The following FGD5 variants were observed in gnomAD, a reference collection of about 807,000 sequenced individuals.
The protein encoded by FGD5 is FYVE, RhoGEF and PH domain containing 5.
In FGD5, 28 loss-of-function variants were observed where a neutral mutation model predicts 133.4. The ratio of observed to expected loss-of-function variants is 0.21; its 90% CI spans 0.16 to 0.29. FGD5 has a LOEUF of 0.29. Ranked by LOEUF, FGD5 falls within the 10% of genes least tolerant of loss-of-function variation. The probability of loss-of-function intolerance (pLI) is 1.00; values close to 1 mark genes in which losing one functional copy is unlikely to be tolerated. For synonymous variants in FGD5, 810 were observed against 776.5 expected (o/e 1.04, Z -0.72); for missense variants, 1,858 against 1,895.2 (o/e 0.98, Z 0.36).
At chr3:14,812,001 G>GGTGTGTGTGTGTGTGTGTGTGT (rs10644004) in intron 1 of FGD5, among the ~76,000 whole-genome samples, 1 of 145,566 alleles carries the variant, frequency 6.9e-6, no homozygotes, top group African/African-American at 2.5e-5. Flanking sequence ...ATATCCTGCT[G>GGTGTGTGTGTGTGTGTGTGTGT]GTGTGTGTGT....
At chr3:14,842,004 C>CA (rs2036932467) in intron 1 of FGD5, among the ~76,000 whole-genome samples, 1 of 152,224 alleles carries the variant, frequency 6.6e-6, no homozygotes, top group African/African-American at 2.4e-5. Context: ...CTGGGGTGTG[C>CA]TTTTGTCCTG....
At chr3:14,845,560 G>T (rs976808116) in intron 1 of FGD5, among the ~76,000 whole-genome samples, 2 of 152,184 alleles carry the variant, frequency 1.3e-5, no homozygotes, top group Non-Finnish European at 2.9e-5. Context: ...CTAGGAACAG[G>T]TGATGCAGGC....
At chr3:14,918,433 G>A (rs564626593) in intron 12 of FGD5, among the ~76,000 whole-genome samples, 137 of 152,336 alleles carry the variant, frequency 9.0e-4, no homozygotes, top group African/African-American at 1.3e-3. Context: ...AGGCTCCACC[G>A]AGGAGCCTGT....
chr3:14,846,320 T>C (rs756982539), intron 1 of FGD5, among the ~76,000 whole-genome samples: 3 of 152,120 alleles, frequency 2.0e-5, no homozygotes, highest in Non-Finnish European at 2.9e-5. Flanking sequence ...ATTTTTCAGC[T>C]CATTGCCTCT....
chr3:14,908,949 TATTCATTC>T (rs559413423), intron 10 of FGD5, among the ~76,000 whole-genome samples: 2 of 141,024 alleles, frequency 1.4e-5, no homozygotes, highest in African/African-American at 2.6e-5. Flanking sequence ...TTTATTTATT[TATTCATTC>T]ATTCATTCAT....
intron 1 of FGD5, among the ~76,000 whole-genome samples, chr3:14,862,753 TAC>T (rs566940775): frequency 9.2e-5 from 14 of 152,300 alleles, no homozygotes; most frequent in Admixed American, 9.2e-4. Flanking sequence ...TTTGCCTCTG[TAC>T]ACAAGTGTGC....
chr3:14,890,747 C>T (rs920297773), intron 4 of FGD5, among the ~76,000 whole-genome samples: 9 of 152,176 alleles, frequency 5.9e-5, no homozygotes, highest in African/African-American at 1.2e-4. Flanking sequence ...TAATTACAGA[C>T]GAGAAACCAG....
rs529307518 is a variant in FGD5, at chr3:14,876,521, A to AAAAT, written c.2659-4027_2659-4024dup. 1.3e-3 allele frequency among the ~76,000 whole-genome samples: 200 copies of AAAAT among 152,240 alleles called. 1 individual carries two copies. Among genetic ancestry groups the AAAAT allele is most frequent in the South Asian group, 3.3e-3 (16 of 4,816 alleles). On this transcript the variant is annotated intron_variant, in intron 2 of 19. Coordinates refer to ENST00000285046, the MANE Select transcript of FGD5 (RefSeq NM_152536.4). ...TAATACAAGTAGCACTTTTATGCAA[A>AAAAT]AAATAAATAAATAAATAAATAAATA... is the stretch of plus-strand genomic sequence containing the variant.
intron 11 of FGD5, among the ~76,000 whole-genome samples, chr3:14,915,891 C>G (rs1206571553): frequency 1.3e-5 from 2 of 152,136 alleles, no homozygotes; most frequent in Non-Finnish European, 2.9e-5. Context: ...AGGGCTCACC[C>G]TGGTTCATGT....
intron 2 of FGD5, 59 bp from the exon 3 acceptor site, chr3:14,880,513 G>A: frequency 6.4e-7 from 1 of 1,555,232 alleles, no homozygotes. Flanking sequence ...GCAGCATGGT[G>A]GCCTCCTCTA....
At chr3:14,928,672 G>A (rs962310552) in intron 18 of FGD5, among the ~76,000 whole-genome samples, 2 of 152,266 alleles carry the variant, frequency 1.3e-5, no homozygotes, top group South Asian at 2.1e-4. Flanking sequence ...TTGAACCCGG[G>A]AGGTAGAGGT....
chr3:14,922,634 G>A lies in FGD5; in HGVS notation c.3807+86G>A, dbSNP rs2038708057. 2 of 1,494,076 alleles carry A rather than the reference G, an allele frequency of 1.3e-6. No individual in the cohort carries two copies. Among genetic ancestry groups the A allele is most frequent in the Non-Finnish European group, 8.9e-7 (1 of 1,118,274 alleles). The allele number at this position is 1,494,076 out of a possible 1,614,324, so 92.6% of individuals were successfully genotyped here. On this transcript the variant is annotated intron_variant, in intron 15 of 19. Transcript: ENST00000285046. This position sits in a 1 kb window ranked among gnomAD's most constrained non-coding sequence, Gnocchi z 4.1. ...CCTGCCCAGCCGGGGGCTCAGGGAT[G>A]TCCAGCAGCTACTGTAAGCCCCAGA...
chr3:14,856,649 ATT>A (rs11294286), intron 1 of FGD5, among the ~76,000 whole-genome samples: 7 of 148,436 alleles, frequency 4.7e-5, no homozygotes, highest in African/African-American at 1.7e-4. Context: ...TAGTATTGTG[ATT>A]TTTTTTTTGT....
At chr3:14,860,336 T>C (rs1019912175) in intron 1 of FGD5, among the ~76,000 whole-genome samples, 4 of 152,248 alleles carry the variant, frequency 2.6e-5, no homozygotes, top group Non-Finnish European at 5.9e-5. Context: ...TCTTTCACTT[T>C]CCTGAAGGCA....
rs1050070631 is a variant in FGD5 at position 14,922,352 on chromosome 3, T to C, written c.3670-59T>C. 6.5e-7 allele frequency: 1 copy of C among 1,548,526 alleles called. No individual in the cohort carries two copies. Among genetic ancestry groups the C allele is most frequent in the Admixed American group, 2.0e-5 (1 of 50,980 alleles). ...ACGCAGGGCAGGGCTCACTGGGCTC[T>C]GCATCTGGCTGGTCTCCTGGCCACA... On this transcript the variant is annotated intron_variant, in intron 14 of 19. Coordinates refer to ENST00000285046, the MANE Select transcript of FGD5 (RefSeq NM_152536.4). This position sits in a 1 kb window ranked among gnomAD's most constrained non-coding sequence, Gnocchi z 4.1.
At chr3:14,843,947 G>A (rs1363429948) in intron 1 of FGD5, among the ~76,000 whole-genome samples, 2 of 150,814 alleles carry the variant, frequency 1.3e-5, no homozygotes, top group Admixed American at 1.3e-4. Context: ...TGCTCGCCTC[G>A]GCCTCCCAAA....
intron 4 of FGD5, 111 bp from the exon 5 acceptor site, chr3:14,897,398 C>A: frequency 7.8e-7 from 1 of 1,279,628 alleles, no homozygotes; most frequent in Non-Finnish European, 1.1e-6. Flanking sequence ...CTTAAGTCCT[C>A]ACTGCTGTCT....
At chr3:14,895,007 T>C (rs1455486720) in intron 4 of FGD5, among the ~76,000 whole-genome samples, 1 of 152,250 alleles carries the variant, frequency 6.6e-6, no homozygotes, top group African/African-American at 2.4e-5. Context: ...ATGTCTTCTT[T>C]AGAGAAATAT....
In FGD5 at chr3:14,820,420, C is replaced by G. The variant is rs79223583; in HGVS notation, c.1349C>G (p.Ser450Trp). 6.2e-6 allele frequency: 10 copies of G among 1,613,838 alleles called. No homozygotes were observed. The highest frequency in any genetic ancestry group is 1.3e-5 in the African/African-American group (1 of 74,916). Reference sequence around the variant, plus strand: ...CCTGGAGAAGGAGGGCAGGCTGCATCGGACGCCCTGGGTGGTTATGGCTCG... The same window carrying G: ...CCTGGAGAAGGAGGGCAGGCTGCATGGGACGCCCTGGGTGGTTATGGCTCG... ...AAPGEGGQAA[S>W]DALGGYGSKE... Residue 450 changes from serine (S) to tryptophan (W), a missense_variant, in exon 1 of 20, where the codon TCG (serine) becomes TGG (tryptophan). Coordinates refer to ENST00000285046, the MANE Select transcript of FGD5 (RefSeq NM_152536.4).
Sources: allele counts gnomAD v4.1 joint callset (sites outside exome capture counted in the v4.1 genomes callset), GRCh38; gene constraint gnomAD v4.1.1; non-coding constraint Gnocchi (gnomAD v3.1); transcripts MANE v1.5; gene names NCBI Gene and HGNC (gene_info 2026-07-23, HGNC 2026-07-21).